The following SORCS2 variants were observed in gnomAD, a reference collection of about 807,000 sequenced individuals.
SORCS2 encodes VPS10 domain-containing receptor SorCS2.
A neutral mutation model predicts 141.6 loss-of-function variants in SORCS2; 100 were observed. The observed-to-expected ratio is 0.71, with a 90% CI of 0.60 to 0.83. The LOEUF (loss-of-function observed/expected upper bound fraction) is 0.83, where lower values mean the gene tolerates loss of function less well. SORCS2 is among the 40% of genes least tolerant of loss of function. SORCS2 has a pLI of 0.00. For synonymous variants in SORCS2, 789 were observed against 676.9 expected, an observed-to-expected ratio of 1.17 and a Z score of -2.57; for missense variants, 1,646 against 1,560.2, an observed-to-expected ratio of 1.05 and a Z score of -0.93.
At chr4:7,666,316 G>T (rs756006190) in intron 7 of SORCS2, among the ~76,000 whole-genome samples, 1 of 152,128 alleles carries the variant, frequency 6.6e-6, no homozygotes, top group Non-Finnish European at 1.5e-5. Context: ...GTCGGTGCTC[G>T]CGACATTGTT....
intron 1 of SORCS2, among the ~76,000 whole-genome samples, chr4:7,344,495 C>T (rs1720539836): frequency 6.6e-6 from 1 of 152,210 alleles, no homozygotes; most frequent in Non-Finnish European, 1.5e-5. Flanking sequence ...TCACCTGGGT[C>T]CACAGAACAG....
intron 3 of SORCS2, among the ~76,000 whole-genome samples, chr4:7,575,848 G>T (rs1018697724): frequency 3.3e-5 from 5 of 152,166 alleles, no homozygotes; most frequent in African/African-American, 1.2e-4. Flanking sequence ...GGCTATGAGA[G>T]GTTTAGGGTC....
chr4:7,337,006 C>A (rs952728586), intron 1 of SORCS2, among the ~76,000 whole-genome samples: 1 of 152,198 alleles, frequency 6.6e-6, no homozygotes, highest in Non-Finnish European at 1.5e-5. Context: ...TGACTTACGT[C>A]AGAGTGCTGG....
intron 1 of SORCS2, among the ~76,000 whole-genome samples, chr4:7,362,797 C>T (rs1323519601): frequency 6.6e-6 from 1 of 151,868 alleles, no homozygotes; most frequent in Non-Finnish European, 1.5e-5. Flanking sequence ...ACCATCATGC[C>T]ATCACCATCA....
At chr4:7,281,696 G>A (rs1715894786) in intron 1 of SORCS2, among the ~76,000 whole-genome samples, 1 of 152,234 alleles carries the variant, frequency 6.6e-6, no homozygotes, top group Admixed American at 6.5e-5. Context: ...CTTGATGGCA[G>A]CCTGGGGGCC....
At chr4:7,283,898 G>A (rs1716041388) in intron 1 of SORCS2, among the ~76,000 whole-genome samples, 1 of 152,060 alleles carries the variant, frequency 6.6e-6, no homozygotes, top group South Asian at 2.1e-4. Context: ...GAGGACTTGG[G>A]CCATAGGAGC....
chr4:7,555,521 C>A (rs888890511), intron 3 of SORCS2, among the ~76,000 whole-genome samples: 3 of 152,258 alleles, frequency 2.0e-5, no homozygotes, highest in Non-Finnish European at 4.4e-5. Context: ...ACACCCACAA[C>A]TGGGGAGAAG....
intron 1 of SORCS2, among the ~76,000 whole-genome samples, chr4:7,312,938 G>A (rs1718283901): frequency 6.6e-6 from 1 of 152,246 alleles, no homozygotes; most frequent in Non-Finnish European, 1.5e-5. Flanking sequence ...GCAGCTGGCT[G>A]AGCAGCGACT....
At chr4:7,453,612 G>T (rs1728646890) in intron 2 of SORCS2, among the ~76,000 whole-genome samples, 2 of 139,642 alleles carry the variant, frequency 1.4e-5, no homozygotes, top group African/African-American at 5.5e-5. Context: ...GGAGCTGTGT[G>T]TTGGGGTCAG....
At chr4:7,369,878 G>T (rs559034137) in intron 1 of SORCS2, among the ~76,000 whole-genome samples, 1 of 152,162 alleles carries the variant, frequency 6.6e-6, no homozygotes, top group South Asian at 2.1e-4. Flanking sequence ...CGGAGCTTTC[G>T]CACACAGTGT....
At position 7,676,199 on chromosome 4, in the gene SORCS2, G is replaced by A. The variant is rs546761967; in HGVS notation, c.1311G>A (p.Ala437=). 4.8e-5 allele frequency: 75 copies of A among 1,552,236 alleles called. No individual in the cohort carries two copies. The highest frequency in any genetic ancestry group is 2.2e-4 in the African/African-American group (16 of 73,200). ...AGGACGTGCGCAGCTCACGGCAGGC[G>A]GAGGAGAGCGTGCTCATCGACATCC... The part of the protein sequence containing the change: ...VLQDVRSSRQ[A]EESVLIDILE... Residue 437 remains alanine (A), a synonymous_variant, in exon 9 of 27, where the codon GCG becomes GCA. Coordinates refer to ENST00000507866, the MANE Select transcript of SORCS2 (RefSeq NM_020777.3).
intron 9 of SORCS2, among the ~76,000 whole-genome samples, chr4:7,677,962 G>A (rs868138555): frequency 6.6e-6 from 1 of 152,148 alleles, no homozygotes; most frequent in Admixed American, 6.5e-5. Context: ...GATGGGATGG[G>A]AAGGGTGCCA....
chr4:7,502,273 G>A (rs926054655), intron 2 of SORCS2, among the ~76,000 whole-genome samples: 35 of 152,220 alleles, frequency 2.3e-4, no homozygotes, highest in African/African-American at 6.5e-4. Context: ...AAGCCAGCAC[G>A]AGGCTTCGCC....
At position 7,586,924 on chromosome 4, in the gene SORCS2, T is replaced by C. The variant is rs768019934; in HGVS notation, c.649-51404T>C. Among the ~76,000 whole-genome samples the C allele has an allele frequency of 2.6e-5, 4 of 152,064 alleles. No homozygotes were observed. The East Asian group carries it at 7.8e-4, about 29-fold the overall frequency. On this transcript the variant is annotated intron_variant, in intron 3 of 26. Coordinates refer to ENST00000507866, the MANE Select transcript of SORCS2 (RefSeq NM_020777.3). The stretch of plus-strand genomic sequence containing the variant: ...GAGACAGCATCTTTCACTGAGTCTT[T>C]GGGTTAGCATTCTTTTCTGCTTGGA...
intron 1 of SORCS2, among the ~76,000 whole-genome samples, chr4:7,287,460 C>T (rs780286343): frequency 2.6e-5 from 4 of 152,202 alleles, no homozygotes; most frequent in Admixed American, 2.0e-4. Flanking sequence ...TCGCCCTTGC[C>T]ACGGCCCCCA....
intron 3 of SORCS2, among the ~76,000 whole-genome samples, chr4:7,601,483 G>T (rs1432653318): frequency 6.6e-6 from 1 of 151,778 alleles, no homozygotes; most frequent in Non-Finnish European, 1.5e-5. Context: ...GCTGGGTATG[G>T]TGCTGCATGC....
chr4:7,455,096 T>C (rs1465327959), intron 2 of SORCS2, among the ~76,000 whole-genome samples: 42 of 85,072 alleles, frequency 4.9e-4, no homozygotes, highest in African/African-American at 1.2e-3. Context: ...GGTCAGGCAC[T>C]GTGTTGGGGT....
chr4:7,193,084 G>A lies in SORCS2; in HGVS notation c.438G>A (p.Thr146=), dbSNP rs780522721. The A allele has an allele frequency of 1.9e-6, 3 of 1,560,342 alleles. No homozygotes were observed. The highest frequency in any genetic ancestry group is 2.6e-6 in the Non-Finnish European group (3 of 1,162,672). Residue 146 remains threonine (T), a synonymous_variant, in exon 1 of 27, where the codon ACG becomes ACA. Transcript: ENST00000507866. The surrounding 1 kb of genome is among the most constrained non-coding windows in gnomAD (Gnocchi z 4.8). ...STSFVLKGDA[T]HNQAMVHWTG... is the part of the protein sequence containing the mutation. ...CGTTCGTGCTCAAGGGGGACGCGAC[G>A]CACAACCAGGCGATGGTGCACTGGA...
intron 1 of SORCS2, among the ~76,000 whole-genome samples, chr4:7,262,076 T>C (rs888265086): frequency 2.2e-4 from 33 of 152,068 alleles, no homozygotes; most frequent in African/African-American, 7.7e-4. Context: ...TTTGTAAACA[T>C]GGCATTCATA....
Sources: gnomAD v4.1 joint callset for allele counts (sites outside exome capture counted in the v4.1 genomes callset) on GRCh38, gnomAD v4.1.1 for gene constraint, Gnocchi (gnomAD v3.1) non-coding constraint, MANE v1.5 for transcripts, NCBI Gene and HGNC (gene_info 2026-07-23, HGNC 2026-07-21) for gene names.